The following CORO7 variants were observed in gnomAD, a reference collection of about 807,000 sequenced individuals.
The protein encoded by CORO7 is coronin 7, also known as coronin-7.
A neutral mutation model predicts 126.6 loss-of-function variants in CORO7; 107 were observed. The ratio of observed to expected loss-of-function variants is 0.85; its 90% CI spans 0.72 to 0.99. CORO7 has a LOEUF of 0.99. CORO7 is among the 50% of genes least tolerant of loss of function. The probability of loss-of-function intolerance (pLI) is 0.00; values close to 1 mark genes in which losing one functional copy is unlikely to be tolerated. For synonymous variants in CORO7, 603 were observed against 536.8 expected, an observed-to-expected ratio of 1.12 and a Z score of -1.70; for missense variants, 1,314 against 1,255.8, an observed-to-expected ratio of 1.05 and a Z score of -0.70.
At chr16:4,376,816 C>T (rs563503410) in intron 9 of CORO7, among the ~76,000 whole-genome samples, 1 of 152,308 alleles carries the variant, frequency 6.6e-6, no homozygotes, top group East Asian at 1.9e-4. Flanking sequence ...AGATACCCCA[C>T]CCCCGCTCCC....
In CORO7 at chr16:4,408,113, C is replaced by G. The variant is rs2056073503; in HGVS notation, c.303+68G>C. 5.0e-6 allele frequency: 8 copies of G among 1,610,296 alleles called. No homozygotes were observed. In the South Asian group the frequency reaches 8.8e-5, roughly 18 times the overall value. On this transcript the variant is annotated intron_variant, in intron 4 of 27. Transcript: ENST00000251166. Reference sequence around the variant, plus strand: ...GCAGCAGAGCCCTGTGGGGATGGCGCTGGGGCTCAGAAGGCCCTGGACTAC... The same window carrying G: ...GCAGCAGAGCCCTGTGGGGATGGCGGTGGGGCTCAGAAGGCCCTGGACTAC...
intron 9 of CORO7, among the ~76,000 whole-genome samples, chr16:4,386,232 C>T (rs1281642852): frequency 2.0e-5 from 3 of 152,208 alleles, no homozygotes; most frequent in Non-Finnish European, 4.4e-5. Context: ...ACTGGTCCTT[C>T]GAGGCTATTC....
chr16:4,376,167 C>T (rs2054722707), intron 9 of CORO7, among the ~76,000 whole-genome samples: 1 of 152,194 alleles, frequency 6.6e-6, no homozygotes, highest in African/African-American at 2.4e-5. Context: ...TGTGAGGGCC[C>T]ACGACCCCTG....
rs372467880 is a variant in CORO7, at chr16:4,360,563, G to A, written c.1918-15C>T. ...AGGCTGAAGATCTGGGGGCAGGAAG[G>A]GATATGAGAGACAGCCTTGCTTCAC... is the stretch of plus-strand genomic sequence containing the variant. On this transcript the variant is annotated splice_polypyrimidine_tract_variant and intron_variant, in intron 19 of 27. Transcript: ENST00000251166. 1 of 1,582,038 alleles carries A rather than the reference G, an allele frequency of 6.3e-7. No individual in the cohort carries two copies. The highest frequency in any genetic ancestry group is 1.4e-5 in the African/African-American group (1 of 74,018).
chr16:4,410,701 G>C (rs908351617), intron 3 of CORO7, among the ~76,000 whole-genome samples: 1 of 152,144 alleles, frequency 6.6e-6, no homozygotes, highest in Non-Finnish European at 1.5e-5. Context: ...CGTGAGATGC[G>C]CAAAAGAGGC....
chr16:4,381,898 G>C, intron 9 of CORO7: 3 of 1,606,064 alleles, frequency 1.9e-6, no homozygotes, highest in Admixed American at 1.7e-5. Flanking sequence ...GCTGCTCCTG[G>C]AGCTTGACTA....
Position 4,403,005 on chromosome 16 carries a change from G to C in CORO7, c.564+2486C>G, listed in dbSNP as rs1357814637. Among the ~76,000 whole-genome samples, 3 of 152,172 alleles carry C rather than the reference G, an allele frequency of 2.0e-5. No individual in the cohort carries two copies. In the East Asian group the frequency reaches 5.8e-4, roughly 30 times the overall value. On this transcript the variant is annotated intron_variant, in intron 6 of 27. Transcript: ENST00000251166. ...AAGCCAGGGGCACGGAGGCTTCCCC[G>C]CCAGGAAGGAGATGGGGCGGGGGTG...
intron 9 of CORO7, chr16:4,382,494 GC>G (rs1167049686): frequency 2.5e-6 from 4 of 1,596,640 alleles, no homozygotes; most frequent in Non-Finnish European, 2.6e-6. Flanking sequence ...TGCCTTTGGG[GC>G]CCGGGCGGGT....
At chr16:4,364,510 A>G in intron 13 of CORO7, 87 bp downstream of exon 13, 3 of 1,495,626 alleles carry the variant, frequency 2.0e-6, no homozygotes, top group Middle Eastern at 2.4e-4. Flanking sequence ...GGGGGCACCC[A>G]GCAGGCCAGA....
chr16:4,382,689 C>G lies in CORO7; in HGVS notation c.785+5297G>C, dbSNP rs748491344. 3.7e-5 allele frequency: 58 copies of G among 1,546,918 alleles called. 1 individual carries two copies. In the South Asian group the frequency reaches 6.2e-4, roughly 16 times the overall value. ...CCTACTGTGTGCGGCGGGGGCGGGC[C>G]ATGGCAGCAGCGGCTCAGGACAAAG... On this transcript the variant is annotated intron_variant, in intron 9 of 27. Transcript: ENST00000251166.
chr16:4,402,513 C>T (rs1711747482), intron 6 of CORO7, among the ~76,000 whole-genome samples: 2 of 152,210 alleles, frequency 1.3e-5, no homozygotes, highest in South Asian at 2.1e-4. Context: ...TCCCAAAGTG[C>T]TGGGATGACA....
Position 4,357,362 on chromosome 16 carries a change from T to C in CORO7, c.2594-103A>G. ...TCTTTCTTTTCTTTCTTTCTTTTTT[T>C]TTTTTTTTTTTTGAGATGGAGTTTT... On this transcript the variant is annotated intron_variant, in intron 25 of 27. Transcript: ENST00000251166. 4.7e-6 allele frequency: 6 copies of C among 1,267,502 alleles called. No individual in the cohort carries two copies. The African/African-American group carries it at 9.3e-5, about 20-fold the overall frequency. 78.5% of individuals were successfully genotyped at this position (1,267,502 alleles called of 1,614,324 possible). A position where few individuals can be genotyped will look rare whatever the true frequency, so the allele number is the denominator to read the frequency against.
intron 9 of CORO7, among the ~76,000 whole-genome samples, chr16:4,374,099 G>A (rs1459598919): frequency 6.6e-6 from 1 of 151,710 alleles, no homozygotes; most frequent in African/African-American, 2.4e-5. Flanking sequence ...GTGTGTGTGT[G>A]TGTGTGTCTG....
rs531244775 is a variant in CORO7, at chr16:4,379,717, T to C, written c.785+8269A>G. On this transcript the variant is annotated intron_variant, in intron 9 of 27. Transcript: ENST00000251166. ...CAAGGGGATGGCTGCTGCTCATCTT[T>C]CTTGGTGCCCAGCTCAGGGCAGACC... 2.0e-5 allele frequency among the ~76,000 whole-genome samples: 3 copies of C among 152,068 alleles called. No homozygotes were observed. The East Asian group carries it at 5.8e-4, about 30-fold the overall frequency.
intron 9 of CORO7, chr16:4,387,691 T>C: frequency 2.0e-6 from 1 of 500,280 alleles, no homozygotes; most frequent in Non-Finnish European, 3.6e-6. Flanking sequence ...GATCACACCC[T>C]CTCCCTGAAT....
At chr16:4,356,919 G>A in intron 26 of CORO7, 2 of 564,354 alleles carry the variant, frequency 3.5e-6, no homozygotes, top group Non-Finnish European at 3.1e-6. Context: ...AAAGCACTTG[G>A]GCCCAGAACT....
chr16:4,387,366 C>T (rs767706012), intron 9 of CORO7, among the ~76,000 whole-genome samples: 4 of 152,220 alleles, frequency 2.6e-5, no homozygotes, highest in Non-Finnish European at 4.4e-5. Context: ...TCTCCACACA[C>T]TTCTGGGGGC....
chr16:4,405,027 C>T (rs2055945766), intron 6 of CORO7, among the ~76,000 whole-genome samples: 1 of 152,204 alleles, frequency 6.6e-6, no homozygotes, highest in African/African-American at 2.4e-5. Flanking sequence ...CCACGCGTCC[C>T]TGGCCTGTCC....
chr16:4,360,977 G>A lies in CORO7; in HGVS notation c.1883C>T (p.Ala628Val). 1.9e-6 allele frequency: 3 copies of A among 1,612,646 alleles called. No individual in the cohort carries two copies. Among genetic ancestry groups the A allele is most frequent in the Non-Finnish European group, 2.5e-6 (3 of 1,180,014 alleles). ...GTGGCCCTGCAGCTTCAGCCGATCA[G>A]CTCCAGCCTGAAGGTCCCAGATGCG... ...TVRIWDLQAG[A>V]DRLKLQGHQD... Residue 628 changes from alanine (A) to valine (V), a missense_variant, in exon 19 of 28, where the codon GCT (alanine) becomes GTT (valine). Physicochemically the swap from Ala to Val is moderately conservative, Grantham distance 64. Coordinates refer to ENST00000251166, the MANE Select transcript of CORO7 (RefSeq NM_024535.5).
Sources: gnomAD v4.1 joint callset for allele counts (sites outside exome capture counted in the v4.1 genomes callset) on GRCh38, gnomAD v4.1.1 for gene constraint, MANE v1.5 for transcripts, NCBI Gene and HGNC (gene_info 2026-07-23, HGNC 2026-07-21) for gene names.